Variants in RGMA observed in about 807,000 individuals in gnomAD.
The protein encoded by RGMA is repulsive guidance molecule A.
Under a neutral mutation model 23.2 loss-of-function variants are expected in RGMA, and 10 were observed. That is an observed-to-expected ratio of 0.43 (90% confidence interval 0.27 to 0.73). The LOEUF (loss-of-function observed/expected upper bound fraction) is 0.73, where lower values mean the gene tolerates loss of function less well. Ranked by LOEUF, RGMA falls within the 30% of genes least tolerant of loss-of-function variation. RGMA has a pLI of 0.20. For synonymous variants in RGMA, 308 were observed against 279.3 expected (o/e 1.10, Z -1.03); for missense variants, 547 against 630.5 (o/e 0.87, Z 1.42).
At position 93,041,593 on chromosome 15, in the gene RGMA, C is replaced by G. The variant is rs2054724386; in HGVS notation, c.*3405G>C. The stretch of plus-strand genomic sequence containing the variant: ...GGCTAGTGCCATTTAGCATTTTCGT[C>G]TAGTAGAGATTTCTTTTTTCTTTTT... On this transcript the variant is annotated 3_prime_UTR_variant, in exon 4 of 4. Transcript: ENST00000329082. The G allele has an allele frequency of 6.6e-6, 1 of 151,844 alleles. No homozygotes were observed. Among genetic ancestry groups the G allele is most frequent in the South Asian group, 2.1e-4 (1 of 4,814 alleles). The allele number at this position is 151,844 out of a possible 1,614,324, so 9.4% of individuals were successfully genotyped here. A position where few individuals can be genotyped will look rare whatever the true frequency, so the allele number is the denominator to read the frequency against.
At chr15:93,072,845 CG>C in intron 2 of RGMA, 70 bp downstream of exon 2, 1 of 1,522,076 alleles carries the variant, frequency 6.6e-7, no homozygotes, top group Non-Finnish European at 8.9e-7. Context: ...GACTCACTCG[CG>C]CACATCTGGC....
At chr15:93,080,025 A>G (rs937470994) in intron 1 of RGMA, among the ~76,000 whole-genome samples, 5 of 152,168 alleles carry the variant, frequency 3.3e-5, no homozygotes, top group African/African-American at 7.2e-5. Context: ...CCTCACCACC[A>G]GAGACTCTTA....
At chr15:93,064,689 T>A (rs1455881817) in intron 2 of RGMA, among the ~76,000 whole-genome samples, 2 of 151,996 alleles carry the variant, frequency 1.3e-5, no homozygotes, top group Admixed American at 6.5e-5. Context: ...CCGGCTGGAG[T>A]GAAATGGTGC....
chr15:93,088,273 G>C (rs541348706), intron 1 of RGMA: 6 of 985,480 alleles, frequency 6.1e-6, no homozygotes, highest in South Asian at 9.4e-5. Context: ...CCATGCCCGG[G>C]CTTGTACCCT....
At chr15:93,049,306 C>T (rs2054879619) in intron 3 of RGMA, among the ~76,000 whole-genome samples, 1 of 152,130 alleles carries the variant, frequency 6.6e-6, no homozygotes, top group African/African-American at 2.4e-5. Flanking sequence ...TTCAGGGGGT[C>T]GCAGACTAAG....
At chr15:93,072,778 A>C in intron 2 of RGMA, 138 bp downstream of exon 2, 1 of 992,390 alleles carries the variant, frequency 1.0e-6, no homozygotes, top group Admixed American at 2.7e-5. Context: ...GGGAGAAACA[A>C]AAGACCCGTG....
In RGMA at chr15:93,036,293, AC is replaced by A. The variant is rs1567172931; in HGVS notation, c.*8704del. ...CGACCAGCCACATCGGGGGTGGCCT[AC>A]AAATGTTTGTGCCAGGAAGGAAGGG... On this transcript the variant is annotated 3_prime_UTR_variant, in exon 4 of 4. Transcript: ENST00000329082. The A allele has an allele frequency of 6.6e-6, 1 of 152,282 alleles. No homozygotes were observed. The highest frequency in any genetic ancestry group is 1.5e-5 in the Non-Finnish European group (1 of 68,070). 9.4% of individuals were successfully genotyped at this position (152,282 alleles called of 1,614,324 possible).
Position 93,038,701 on chromosome 15 carries a change from A to G in RGMA, c.*6297T>C, listed in dbSNP as rs1481031175. 6.6e-6 allele frequency: 1 copy of G among 150,964 alleles called. No homozygotes were observed. Among genetic ancestry groups the G allele is most frequent in the Admixed American group, 6.6e-5 (1 of 15,076 alleles). 9.4% of individuals were successfully genotyped at this position (150,964 alleles called of 1,614,324 possible). ...GCCACTCTCTTGCCTCAGCCTCCCG[A>G]GTAGCTGGGACTACAGGCGCCCACC... On this transcript the variant is annotated 3_prime_UTR_variant, in exon 4 of 4. Transcript: ENST00000329082.
Position 93,045,862 on chromosome 15 carries a change from C to T in RGMA, c.646-157G>A, listed in dbSNP as rs1199688844. On this transcript the variant is annotated intron_variant, in intron 3 of 3. Coordinates refer to ENST00000329082, the MANE Select transcript of RGMA (RefSeq NM_020211.3). The surrounding 1 kb of genome is among the most constrained non-coding windows in gnomAD (Gnocchi z 6.9). Reference sequence around the variant, plus strand: ...AGGTTGGACAGATCAGTTCCACCTGCGCAGCTGTGCACTTCACATTCTTTC... The same window carrying T: ...AGGTTGGACAGATCAGTTCCACCTGTGCAGCTGTGCACTTCACATTCTTTC... Among the ~76,000 whole-genome samples the T allele has an allele frequency of 1.3e-5, 2 of 152,184 alleles. No individual in the cohort carries two copies. Among genetic ancestry groups the T allele is most frequent in the Non-Finnish European group, 2.9e-5 (2 of 68,024 alleles).
At chr15:93,078,590 A>G (rs1353025835) in intron 1 of RGMA, among the ~76,000 whole-genome samples, 6 of 152,220 alleles carry the variant, frequency 3.9e-5, no homozygotes, top group African/African-American at 1.2e-4. Flanking sequence ...AAGGTTTTAT[A>G]GACTTTGATC....
chr15:93,065,699 T>C, intron 2 of RGMA: 1 of 1,183,190 alleles, frequency 8.5e-7, no homozygotes, highest in Non-Finnish European at 1.2e-6. Context: ...TAGGGGTGGT[T>C]TCGTGGGCCC....
chr15:93,040,606 GA>G lies in RGMA; in HGVS notation c.*4391del. 6.6e-6 allele frequency: 1 copy of G among 151,992 alleles called. No individual in the cohort carries two copies. The highest frequency in any genetic ancestry group is 6.6e-5 in the Admixed American group (1 of 15,264). 9.4% of individuals were successfully genotyped at this position (151,992 alleles called of 1,614,324 possible). A position where few individuals can be genotyped will look rare whatever the true frequency, so the allele number is the denominator to read the frequency against. On this transcript the variant is annotated 3_prime_UTR_variant, in exon 4 of 4. Coordinates refer to ENST00000329082, the MANE Select transcript of RGMA (RefSeq NM_020211.3). ...TGCAATCCAAAATGTGTGTCTCTCG[GA>G]ACCTCTGGCCCACTTCCCTTTTCTC...
intron 2 of RGMA, chr15:93,063,184 C>T (rs1456634883): frequency 6.6e-6 from 1 of 152,264 alleles, no homozygotes; most frequent in Non-Finnish European, 1.5e-5. Context: ...CCTGTGGAGA[C>T]ACTAGCCTTG....
In RGMA at chr15:93,045,438, C is replaced by T. The variant is rs1462270310; in HGVS notation, c.913G>A (p.Glu305Lys). ...RMPEEVVNAV[E>K]DWDSQGLYLC... ...TAGAGACCCTGGCTGTCCCAGTCCT[C>T]CACAGCATTGACCACTTCCTCTGGC... Residue 305 changes from glutamate to lysine, a missense_variant, in exon 4 of 4, where the codon GAG becomes AAG. Glu to Lys is a moderately conservative substitution (Grantham distance 56, BLOSUM62 1). Transcript: ENST00000329082. This position sits in a 1 kb window ranked among gnomAD's most constrained non-coding sequence, Gnocchi z 6.9. 3 of 1,613,174 alleles carry T rather than the reference C, an allele frequency of 1.9e-6. No homozygotes were observed. The highest frequency in any genetic ancestry group is 2.7e-5 in the African/African-American group (2 of 75,034).
intron 2 of RGMA, among the ~76,000 whole-genome samples, chr15:93,060,447 A>G (rs114464031): frequency 0.013 from 1,938 of 152,306 alleles, 15 homozygotes; most frequent in African/African-American, 0.019. Context: ...GAAATCCCCT[A>G]AACTTGTCCC....
rs968868847 is a variant in RGMA at position 93,043,640 on chromosome 15, G to C, written c.*1358C>G. Reference sequence around the variant, plus strand: ...GGGAGAGGGAGGGGCCGGGCCCCGAGCGCCCTCCCACCCGCCCACACACGG... The same window carrying C: ...GGGAGAGGGAGGGGCCGGGCCCCGACCGCCCTCCCACCCGCCCACACACGG... On this transcript the variant is annotated 3_prime_UTR_variant, in exon 4 of 4. Transcript: ENST00000329082. 2.0e-5 allele frequency: 3 copies of C among 152,172 alleles called. No homozygotes were observed. Among genetic ancestry groups the C allele is most frequent in the African/African-American group, 7.2e-5 (3 of 41,420 alleles). 9.4% of individuals were successfully genotyped at this position (152,172 alleles called of 1,614,324 possible).
chr15:93,065,126 T>C (rs1020986567), intron 2 of RGMA, among the ~76,000 whole-genome samples: 13 of 152,266 alleles, frequency 8.5e-5, no homozygotes, highest in African/African-American at 2.6e-4. Flanking sequence ...TACAGGCACA[T>C]GCCACAATGC....
At position 93,045,320 on chromosome 15, in the gene RGMA, G is replaced by C. The variant is rs761569308; in HGVS notation, c.1031C>G (p.Ala344Gly). 2.5e-5 allele frequency: 40 copies of C among 1,611,832 alleles called. No individual in the cohort carries two copies. Among genetic ancestry groups the C allele is most frequent in the Admixed American group, 3.3e-5 (2 of 59,942 alleles). ...AEGTGARRLA[A>G]ASPAPTAPET... ...GGGGGCTGTGGGTGCAGGGCTGGCGGCTGCCAGCCTGCGGGCACCGGTGCC... is the reference window on the plus strand; with the variant it reads ...GGGGGCTGTGGGTGCAGGGCTGGCGCCTGCCAGCCTGCGGGCACCGGTGCC... Residue 344 changes from alanine (A) to glycine (G), a missense_variant, in exon 4 of 4, where the codon GCC (alanine) becomes GGC (glycine). Physicochemically the swap from Ala to Gly is moderately conservative, Grantham distance 60. This residue lies in a region of RGMA where 205 missense variants were observed against 204.1 expected (regional missense o/e 1.00). Transcript: ENST00000329082. This position sits in a 1 kb window ranked among gnomAD's most constrained non-coding sequence, Gnocchi z 6.9.
chr15:93,080,443 G>A (rs1226692050), intron 1 of RGMA, among the ~76,000 whole-genome samples: 1 of 152,174 alleles, frequency 6.6e-6, no homozygotes, highest in Non-Finnish European at 1.5e-5. Flanking sequence ...TAAGTAACCT[G>A]CTTGAGGTCA....
Sources: gnomAD v4.1 joint callset for allele counts (sites outside exome capture counted in the v4.1 genomes callset) on GRCh38, gnomAD v4.1.1 for gene constraint, gnomAD v4.1.1 regional missense constraint, Gnocchi (gnomAD v3.1) non-coding constraint, MANE v1.5 for transcripts, NCBI Gene and HGNC (gene_info 2026-07-23, HGNC 2026-07-21) for gene names.